Variants in CEP68 observed in about 807,000 individuals in gnomAD.
The protein encoded by CEP68 is centrosomal protein 68, also known as centrosomal protein of 68 kDa.
In CEP68, 26 loss-of-function variants were observed where a neutral mutation model predicts 55.3. The observed-to-expected ratio is 0.47, with a 90% CI of 0.34 to 0.65. The LOEUF (loss-of-function observed/expected upper bound fraction) is 0.65. Among genes scored for constraint, CEP68 ranks in the 30% least tolerant of loss-of-function variants. The pLI, the probability that CEP68 is intolerant of heterozygous loss-of-function variation, is 0.01. For synonymous variants in CEP68, 402 were observed against 383.2 expected (o/e 1.05, Z -0.57); for missense variants, 957 against 946.7 (o/e 1.01, Z -0.14).
Position 65,071,564 on chromosome 2 carries a change from C to A in CEP68, c.468C>A (p.Ser156=). The stretch of plus-strand genomic sequence containing the variant: ...ATGCTGATACCGAAGATGATCCATC[C>A]CTAGCAGATTTGCCCCAGGCACTGG... ...GHDADTEDDP[S]LADLPQALDL... The change falls in exon 3 of 7, where the codon TCC becomes TCA. Residue 156 remains serine, a synonymous_variant. Transcript: ENST00000377990. The A allele has an allele frequency of 6.2e-7, 1 of 1,614,206 alleles. No individual in the cohort carries two copies. The highest frequency in any genetic ancestry group is 1.1e-5 in the South Asian group (1 of 91,078).
Position 65,069,791 on chromosome 2 carries a change from G to A in CEP68, c.347G>A (p.Gly116Glu). ...GGGTCTGGAGACCTTCTGCTCTCCG[G>A]GGAAAGCCAGGTAGGTACTAAGGCA... ...TMGSGDLLLS[G>E]ESQVEKTKLS... Residue 116 changes from glycine (G) to glutamate (E), a missense_variant, in exon 2 of 7, where the codon GGG becomes GAG. Physicochemically the swap from Gly to Glu is moderately conservative, Grantham distance 98. Coordinates refer to ENST00000377990, the MANE Select transcript of CEP68 (RefSeq NM_015147.3). 19 of 1,613,768 alleles carry A rather than the reference G, an allele frequency of 1.2e-5. No individual in the cohort carries two copies. The highest frequency in any genetic ancestry group is 1.5e-5 in the Non-Finnish European group (18 of 1,179,914).
intron 5 of CEP68, chr2:65,080,588 C>G (rs1054843787): frequency 1.0e-6 from 1 of 960,664 alleles, no homozygotes; most frequent in Non-Finnish European, 1.2e-6. Context: ...GGAGGCCAAG[C>G]GGGCAGATCA....
chr2:65,068,615 G>A (rs1048200106), intron 1 of CEP68, among the ~76,000 whole-genome samples: 4 of 152,118 alleles, frequency 2.6e-5, no homozygotes, highest in African/African-American at 9.7e-5. Flanking sequence ...TGGTTTCTGT[G>A]CTTTGAGAGG....
intron 1 of CEP68, among the ~76,000 whole-genome samples, chr2:65,059,059 T>A (rs574553959): frequency 6.6e-6 from 1 of 152,272 alleles, no homozygotes; most frequent in African/African-American, 2.4e-5. Context: ...TGACAAAAAA[T>A]CTTTACCTGG....
intron 3 of CEP68, chr2:65,073,439 G>T (rs1676601413): frequency 3.8e-6 from 1 of 266,390 alleles, no homozygotes; most frequent in South Asian, 4.0e-5. Context: ...CAAAGTTAGG[G>T]GCATTGGATG....
chr2:65,077,926 G>A lies in CEP68; in HGVS notation c.2066G>A (p.Gly689Glu), dbSNP rs1180004134. The change falls in exon 5 of 7, where the codon GGG (glycine) becomes GAG (glutamate). Residue 689 changes from glycine to glutamate, a missense_variant. Transcript: ENST00000377990. ...CTGACGGAGAGTGTCTTACAGAAGGGGGAGATTCTTCTTCAGTGCCTGTTG... is the reference window on the plus strand; with the variant it reads ...CTGACGGAGAGTGTCTTACAGAAGGAGGAGATTCTTCTTCAGTGCCTGTTG... ...QSLTESVLQK[G>E]EILLQCLLEN... The A allele has an allele frequency of 6.2e-6, 10 of 1,613,844 alleles. No homozygotes were observed. The highest frequency in any genetic ancestry group is 8.5e-6 in the Non-Finnish European group (10 of 1,179,896).
chr2:65,073,983 T>C (rs768266607), intron 3 of CEP68: 157 of 294,288 alleles, frequency 5.3e-4, no homozygotes, highest in Middle Eastern at 4.4e-3. Context: ...TAGTTAGTAA[T>C]GGTGCTGATC....
intron 5 of CEP68, among the ~76,000 whole-genome samples, chr2:65,081,732 T>C (rs951235867): frequency 2.0e-5 from 3 of 152,214 alleles, no homozygotes; most frequent in African/African-American, 7.2e-5. Flanking sequence ...AGTTGCACTC[T>C]TGTTGCCCAG....
intron 1 of CEP68, among the ~76,000 whole-genome samples, chr2:65,061,453 C>G (rs564308506): frequency 6.6e-6 from 1 of 152,382 alleles, no homozygotes; most frequent in East Asian, 1.9e-4. Flanking sequence ...AAAGAAGGGG[C>G]TCCCGGTGCC....
chr2:65,079,051 C>A (rs564687177), intron 5 of CEP68, among the ~76,000 whole-genome samples: 38 of 152,296 alleles, frequency 2.5e-4, no homozygotes, highest in South Asian at 1.5e-3. Flanking sequence ...CCCCTAATTT[C>A]CTGCAAGACT....
At chr2:65,058,211 G>C (rs1675740083) in intron 1 of CEP68, among the ~76,000 whole-genome samples, 1 of 151,990 alleles carries the variant, frequency 6.6e-6, no homozygotes, top group Non-Finnish European at 1.5e-5. Context: ...GTCCTTATCC[G>C]ATCCCTTTTT....
intron 5 of CEP68, among the ~76,000 whole-genome samples, chr2:65,079,385 T>C (rs555785483): frequency 9.8e-5 from 15 of 152,300 alleles, no homozygotes; most frequent in Admixed American, 6.5e-4. Flanking sequence ...CAACCCAAAA[T>C]GTTTCTACAC....
chr2:65,077,781 C>T (rs78424423), intron 4 of CEP68, 87 bp from the exon 5 acceptor site: 5 of 950,134 alleles, frequency 5.3e-6, no homozygotes, highest in African/African-American at 1.6e-5. Flanking sequence ...GGGAATAAGG[C>T]TTCCCTACAT....
At chr2:65,068,457 ACT>A (rs1286885449) in intron 1 of CEP68, among the ~76,000 whole-genome samples, 1 of 151,884 alleles carries the variant, frequency 6.6e-6, no homozygotes, top group Non-Finnish European at 1.5e-5. Flanking sequence ...TTACCCTACC[ACT>A]GTTACCCACC....
chr2:65,064,119 C>A (rs184366310), intron 1 of CEP68, among the ~76,000 whole-genome samples: 1 of 152,316 alleles, frequency 6.6e-6, no homozygotes, highest in Admixed American at 6.5e-5. Flanking sequence ...TTCAGATCTT[C>A]TTACCTGGTT....
At chr2:65,075,553 T>C (rs1453294811) in intron 4 of CEP68, among the ~76,000 whole-genome samples, 2 of 152,248 alleles carry the variant, frequency 1.3e-5, no homozygotes, top group Admixed American at 1.3e-4. Flanking sequence ...TTAGGATGAC[T>C]GCGTCCCAGT....
chr2:65,062,815 C>T (rs2723083), intron 1 of CEP68, among the ~76,000 whole-genome samples: 49,461 of 151,640 alleles, frequency 0.33, 8,285 homozygotes, highest in Middle Eastern at 0.45. Context: ...CCAGCCTGGG[C>T]GACAGAGCGA....
chr2:65,070,504 GGT>G (rs1468420075), intron 2 of CEP68, among the ~76,000 whole-genome samples: 1 of 151,830 alleles, frequency 6.6e-6, no homozygotes, highest in Non-Finnish European at 1.5e-5. Context: ...TGATCTTCTC[GGT>G]GTCATTGTAG....
At chr2:65,074,056 T>A in intron 3 of CEP68, 1 of 494,694 alleles carries the variant, frequency 2.0e-6, no homozygotes, top group Non-Finnish European at 3.6e-6. Context: ...CCTGCAAGGC[T>A]GGGTTTTCTC....
Sources: allele counts gnomAD v4.1 joint callset (sites outside exome capture counted in the v4.1 genomes callset), GRCh38; gene constraint gnomAD v4.1.1; transcripts MANE v1.5; gene names NCBI Gene and HGNC (gene_info 2026-07-23, HGNC 2026-07-21).